Variants in THRB observed in about 807,000 individuals in gnomAD.
The protein encoded by THRB is nuclear receptor subfamily 1 group A member 2.
Under a neutral mutation model 47.8 loss-of-function variants are expected in THRB, and 12 were observed. That is an observed-to-expected ratio of 0.25 (90% CI 0.16 to 0.41). The LOEUF is 0.41. Among genes scored for constraint, THRB ranks in the 10% least tolerant of loss-of-function variants. The pLI, the probability that THRB is intolerant of heterozygous loss-of-function variation, is 1.00. For synonymous variants in THRB, 218 were observed against 212.2 expected (o/e 1.03, Z -0.24); for missense variants, 348 against 589.2 (o/e 0.59, Z 4.24).
chr3:24,284,312 G>C lies in THRB; in HGVS notation c.-43+12914C>G, dbSNP rs1352666063. Among the ~76,000 whole-genome samples the C allele has an allele frequency of 9.2e-5, 14 of 151,706 alleles. No individual in the cohort carries two copies. In the South Asian group the frequency reaches 1.3e-3, roughly 14 times the overall value. On this transcript the variant is annotated intron_variant, in intron 3 of 10. Coordinates refer to ENST00000646209, the MANE Select transcript of THRB (RefSeq NM_001354712.2). ...ACTATCTGATCTTTGACAAACCTGA[G>C]AAAAACAAGCAATGGGGAAAGGATT... is the stretch of plus-strand genomic sequence containing the variant.
chr3:24,174,249 A>C (rs141740718), intron 5 of THRB, among the ~76,000 whole-genome samples: 1 of 152,250 alleles, frequency 6.6e-6, no homozygotes, highest in African/African-American at 2.4e-5. Context: ...AAGAGTGAGG[A>C]TTCAAATCCA....
chr3:24,388,030 T>G (rs1266639398), intron 1 of THRB, among the ~76,000 whole-genome samples: 1 of 152,018 alleles, frequency 6.6e-6, no homozygotes, highest in Admixed American at 6.6e-5. Flanking sequence ...ATGATGGGTA[T>G]TGTCACGCAC....
chr3:24,162,822 T>C (rs903331131), intron 5 of THRB, among the ~76,000 whole-genome samples: 5 of 152,110 alleles, frequency 3.3e-5, no homozygotes, highest in African/African-American at 1.2e-4. Flanking sequence ...GTACCTATAA[T>C]TTTTTTATAA....
At chr3:24,275,569 CCAT>C (rs140720583) in intron 3 of THRB, among the ~76,000 whole-genome samples, 172 of 152,292 alleles carry the variant, frequency 1.1e-3, no homozygotes, top group African/African-American at 4.0e-3. Context: ...TGTTTTGCCA[CCAT>C]CATCATGTCA....
intron 2 of THRB, among the ~76,000 whole-genome samples, chr3:24,312,425 A>C (rs1199418913): frequency 6.6e-6 from 1 of 152,208 alleles, no homozygotes; most frequent in African/African-American, 2.4e-5. Flanking sequence ...GGAATTTATG[A>C]AGTATATTGT....
intron 3 of THRB, among the ~76,000 whole-genome samples, chr3:24,258,434 A>G (rs2051555721): frequency 6.6e-6 from 1 of 152,194 alleles, no homozygotes; most frequent in South Asian, 2.1e-4. Context: ...CCCACAGTCC[A>G]GTCCTGCGCC....
At chr3:24,316,021 G>A (rs1275378127) in intron 2 of THRB, among the ~76,000 whole-genome samples, 2 of 152,084 alleles carry the variant, frequency 1.3e-5, no homozygotes, top group Non-Finnish European at 2.9e-5. Flanking sequence ...CCATGTGACA[G>A]CTCTTGTTTG....
intron 1 of THRB, among the ~76,000 whole-genome samples, chr3:24,461,902 T>C (rs2073733567): frequency 6.6e-6 from 1 of 152,200 alleles, no homozygotes; most frequent in Non-Finnish European, 1.5e-5. Context: ...CAGATTGCCA[T>C]GCACCTATTA....
intron 1 of THRB, among the ~76,000 whole-genome samples, chr3:24,357,361 A>AAAC (rs1553726645): frequency 2.7e-5 from 4 of 146,504 alleles, no homozygotes; most frequent in Non-Finnish European, 1.5e-5. Flanking sequence ...AAAAAAAAAA[A>AAAC]AAAAAAAAAA....
At chr3:24,473,983 A>G (rs9878769) in intron 1 of THRB, among the ~76,000 whole-genome samples, 3,068 of 152,266 alleles carry the variant, frequency 0.02, 88 homozygotes, top group African/African-American at 0.069. Context: ...TAGGGGAGGG[A>G]TAGCATTAGA....
At chr3:24,494,065 C>A (rs923404382) in intron 1 of THRB, 21 of 152,962 alleles carry the variant, frequency 1.4e-4, no homozygotes, top group African/African-American at 4.8e-4. Context: ...CCGCCAAGCC[C>A]CCAGGAGGCG....
intron 3 of THRB, among the ~76,000 whole-genome samples, chr3:24,234,694 T>C (rs928616567): frequency 2.6e-5 from 4 of 152,194 alleles, no homozygotes; most frequent in African/African-American, 9.6e-5. Context: ...CAAGATGTGT[T>C]TGAAGGCACT....
intron 3 of THRB, among the ~76,000 whole-genome samples, chr3:24,230,028 T>C (rs999931787): frequency 6.6e-6 from 1 of 152,116 alleles, no homozygotes; most frequent in Non-Finnish European, 1.5e-5. Flanking sequence ...ATGCTGTGAG[T>C]GGAAGTGCTG....
intron 4 of THRB, among the ~76,000 whole-genome samples, chr3:24,224,003 T>C (rs904722531): frequency 6.6e-6 from 1 of 152,162 alleles, no homozygotes; most frequent in Non-Finnish European, 1.5e-5. Context: ...AGAAATAGGC[T>C]AACTATACCA....
chr3:24,351,180 A>C (rs1022099266), intron 1 of THRB, among the ~76,000 whole-genome samples: 1 of 151,924 alleles, frequency 6.6e-6, no homozygotes, highest in African/African-American at 2.4e-5. Flanking sequence ...CTTCTAAAAA[A>C]CTCAGCCCTA....
intron 2 of THRB, among the ~76,000 whole-genome samples, chr3:24,302,795 T>A (rs1407912746): frequency 6.6e-6 from 1 of 152,254 alleles, no homozygotes; most frequent in African/African-American, 2.4e-5. Flanking sequence ...AACTAATATA[T>A]AAGCCCTATG....
chr3:24,428,664 C>T (rs1292006209), intron 1 of THRB, among the ~76,000 whole-genome samples: 1 of 151,942 alleles, frequency 6.6e-6, no homozygotes, highest in East Asian at 1.9e-4. Context: ...TATCAAAATG[C>T]GTTTTTGGTT....
chr3:24,291,889 T>G (rs906508768), intron 3 of THRB, among the ~76,000 whole-genome samples: 1 of 152,170 alleles, frequency 6.6e-6, no homozygotes, highest in Non-Finnish European at 1.5e-5. Context: ...CCTGCAGACA[T>G]AGTCATTTAT....
intron 5 of THRB, among the ~76,000 whole-genome samples, chr3:24,155,377 A>C (rs2037657634): frequency 6.6e-6 from 1 of 152,062 alleles, no homozygotes; most frequent in Admixed American, 6.6e-5. Flanking sequence ...AGTGCACCCC[A>C]CCCCTTGCTT....
Sources: allele counts gnomAD v4.1 joint callset (sites outside exome capture counted in the v4.1 genomes callset), GRCh38; gene constraint gnomAD v4.1.1; transcripts MANE v1.5; gene names NCBI Gene and HGNC (gene_info 2026-07-23, HGNC 2026-07-21).